LEMD3: variants seen among roughly 807,000 people sequenced by gnomAD.
The protein encoded by LEMD3 is inner nuclear membrane protein Man1.
Under a neutral mutation model 95.2 loss-of-function variants are expected in LEMD3, and 33 were observed. That is an observed-to-expected ratio of 0.35 (90% CI 0.26 to 0.46). The LOEUF (loss-of-function observed/expected upper bound fraction) is 0.46. LEMD3 is among the 20% of genes least tolerant of loss of function. The pLI is 1.00. For synonymous variants in LEMD3, 525 were observed against 474.6 expected (o/e 1.11, Z -1.38); for missense variants, 1,210 against 1,192.8 (o/e 1.01, Z -0.21).
intron 1 of LEMD3, among the ~76,000 whole-genome samples, chr12:65,182,858 A>G (rs1219993001): frequency 3.9e-5 from 6 of 152,220 alleles, no homozygotes; most frequent in Admixed American, 1.3e-4. Flanking sequence ...CAGTTGATAC[A>G]GAAAGGTGGC....
chr12:65,240,581 A>T lies in LEMD3; in HGVS notation c.2127-328A>T, dbSNP rs576237080. The T allele has an allele frequency of 6.9e-4, 281 of 406,722 alleles. 4 individuals are homozygous for T. The South Asian group carries it at 9.3e-3, about 13-fold the overall frequency. The allele number at this position is 406,722 out of a possible 1,614,324, so 25.2% of individuals were successfully genotyped here. On this transcript the variant is annotated intron_variant, in intron 8 of 12. Coordinates refer to ENST00000308330, the MANE Select transcript of LEMD3 (RefSeq NM_014319.5). ...CTAATGTTTTTTAAGTACTAACTTT[A>T]TTATTAATGAAGCTTTTAAAGTAAA... is the stretch of plus-strand genomic sequence containing the variant.
At chr12:65,171,166 T>C (rs758493364) in intron 1 of LEMD3, 48 bp downstream of exon 1, 14 of 1,601,380 alleles carry the variant, frequency 8.7e-6, no homozygotes, top group Non-Finnish European at 1.0e-5. Context: ...ATGTTGTTAG[T>C]GGTCCGCTTT....
At chr12:65,232,412 A>G (rs1870656969) in intron 4 of LEMD3, among the ~76,000 whole-genome samples, 1 of 152,182 alleles carries the variant, frequency 6.6e-6, no homozygotes, top group Non-Finnish European at 1.5e-5. Flanking sequence ...TTTTTTCACA[A>G]CTTCTAGTAC....
At position 65,169,761 on chromosome 12, in the gene LEMD3, G is replaced by C. The variant is rs138821698; in HGVS notation, c.165G>C (p.Arg55=). The change falls in exon 1 of 13, where the codon CGG becomes CGC. Residue 55 remains arginine (R), a synonymous_variant. Transcript: ENST00000308330. ...GAGAGGAAGAGCAGCAACAGCACCG[G>C]TCAGGGGGCCGCGGCAACAAGACGC... ...KLREEEQQQH[R]SGGRGNKTRN... 17 of 1,587,686 alleles carry C rather than the reference G, an allele frequency of 1.1e-5. No homozygotes were observed. In the African/African-American group the frequency reaches 2.2e-4, roughly 20 times the overall value.
intron 4 of LEMD3, among the ~76,000 whole-genome samples, chr12:65,219,474 T>C (rs974503320): frequency 3.9e-5 from 6 of 152,198 alleles, no homozygotes; most frequent in Non-Finnish European, 8.8e-5. Context: ...TTCTTGCAAA[T>C]GGAAACGTTG....
intron 4 of LEMD3, among the ~76,000 whole-genome samples, chr12:65,227,158 A>G (rs190675502): frequency 2.0e-5 from 3 of 152,368 alleles, no homozygotes; most frequent in Non-Finnish European, 2.9e-5. Flanking sequence ...TAAAGGAGAC[A>G]TAGAATAAAA....
At chr12:65,209,837 G>A (rs908789867) in intron 1 of LEMD3, among the ~76,000 whole-genome samples, 1 of 151,792 alleles carries the variant, frequency 6.6e-6, no homozygotes, top group Admixed American at 6.6e-5. Flanking sequence ...GGTTCCTATG[G>A]GACTTCCTGT....
At chr12:65,191,761 T>G (rs115829801) in intron 1 of LEMD3, among the ~76,000 whole-genome samples, 4,015 of 151,982 alleles carry the variant, frequency 0.026, 212 homozygotes, top group African/African-American at 0.092. Flanking sequence ...ACCCTGTCTC[T>G]ACTAAATTAA....
chr12:65,170,002 C>G lies in LEMD3; in HGVS notation c.406C>G (p.Leu136Val). 1 of 1,496,984 alleles carries G rather than the reference C, an allele frequency of 6.7e-7. No individual in the cohort carries two copies. Among genetic ancestry groups the G allele is most frequent in the South Asian group, 1.3e-5 (1 of 78,386 alleles). The allele number at this position is 1,496,984 out of a possible 1,614,324, so 92.7% of individuals were successfully genotyped here. ...SAAPAAGSKVLLGFSSDESDV... is the reference protein window; with the variant it reads ...SAAPAAGSKVVLGFSSDESDV... Reference sequence around the variant, plus strand: ...CGCCCCCGCGGCTGGCAGCAAAGTGCTGCTGGGCTTCAGCTCGGACGAGTC... The same window carrying G: ...CGCCCCCGCGGCTGGCAGCAAAGTGGTGCTGGGCTTCAGCTCGGACGAGTC... The change falls in exon 1 of 13, where the codon CTG (leucine) becomes GTG (valine). Residue 136 changes from leucine (L) to valine (V), a missense_variant. By Grantham distance (32) the Leu-to-Val change is conservative (BLOSUM62 1). Coordinates refer to ENST00000308330, the MANE Select transcript of LEMD3 (RefSeq NM_014319.5).
At chr12:65,210,141 A>ATAG (rs1217397898) in intron 1 of LEMD3, among the ~76,000 whole-genome samples, 24 of 151,962 alleles carry the variant, frequency 1.6e-4, no homozygotes, top group African/African-American at 5.3e-4. Context: ...AAGGAGGGGC[A>ATAG]TAGGGGTTGG....
chr12:65,227,841 C>A (rs1870500459), intron 4 of LEMD3, among the ~76,000 whole-genome samples: 1 of 149,450 alleles, frequency 6.7e-6, no homozygotes, highest in African/African-American at 2.5e-5. Flanking sequence ...TTGGACACTC[C>A]TGGTTTAGGG....
At chr12:65,212,572 A>G (rs1698259349) in intron 2 of LEMD3, among the ~76,000 whole-genome samples, 1 of 151,864 alleles carries the variant, frequency 6.6e-6, no homozygotes, top group Non-Finnish European at 1.5e-5. Context: ...TGAAGAGAAA[A>G]TTGGCTGAGG....
intron 1 of LEMD3, among the ~76,000 whole-genome samples, chr12:65,190,528 T>C (rs1298997228): frequency 6.6e-6 from 1 of 152,164 alleles, no homozygotes; most frequent in Non-Finnish European, 1.5e-5. Flanking sequence ...TTCAACCAAT[T>C]GCCAATCAGA....
intron 1 of LEMD3, among the ~76,000 whole-genome samples, chr12:65,195,492 GC>G (rs1175127922): frequency 2.6e-5 from 4 of 151,562 alleles, no homozygotes; most frequent in Admixed American, 6.6e-5. Flanking sequence ...TTTTTTATTT[GC>G]CAATTTCCAA....
rs1565800634 is a variant in LEMD3 at position 65,241,918 on chromosome 12, C to T, written c.2305+831C>T. Reference sequence around the variant, plus strand: ...TGTCAGGGTAAACAGCTAAAGCAGGCAGGGCTTAATACCTGGGTGATGGGT... The same window carrying T: ...TGTCAGGGTAAACAGCTAAAGCAGGTAGGGCTTAATACCTGGGTGATGGGT... On this transcript the variant is annotated intron_variant, in intron 9 of 12. Coordinates refer to ENST00000308330, the MANE Select transcript of LEMD3 (RefSeq NM_014319.5). Among the ~76,000 whole-genome samples, 4 of 152,212 alleles carry T rather than the reference C, an allele frequency of 2.6e-5. No individual in the cohort carries two copies. In the South Asian group the frequency reaches 8.3e-4, roughly 32 times the overall value.
chr12:65,171,255 T>G, intron 1 of LEMD3, 137 bp downstream of exon 1: 1 of 1,451,732 alleles, frequency 6.9e-7, no homozygotes, highest in Non-Finnish European at 9.3e-7. Flanking sequence ...AGTGCGTGCA[T>G]GTGTCATCTT....
At chr12:65,187,344 C>G (rs552237005) in intron 1 of LEMD3, among the ~76,000 whole-genome samples, 1 of 152,158 alleles carries the variant, frequency 6.6e-6, no homozygotes, top group Admixed American at 6.6e-5. Context: ...GATTCCAGGT[C>G]TGTGCTTGTG....
At chr12:65,231,645 G>A (rs1009312957) in intron 4 of LEMD3, among the ~76,000 whole-genome samples, 2 of 152,070 alleles carry the variant, frequency 1.3e-5, no homozygotes, top group African/African-American at 4.8e-5. Flanking sequence ...CTCCAGCCTG[G>A]ATGACAGAGT....
Position 65,218,537 on chromosome 12 carries a change from T to G in LEMD3, c.1628-15T>G. On this transcript the variant is annotated splice_polypyrimidine_tract_variant and intron_variant, in intron 3 of 12. Coordinates refer to ENST00000308330, the MANE Select transcript of LEMD3 (RefSeq NM_014319.5). ...GAGTACTGATTCAAAATTAATAATATGCTAATCTTTCCAGGAGATCATGAA... is the reference window on the plus strand; with the variant it reads ...GAGTACTGATTCAAAATTAATAATAGGCTAATCTTTCCAGGAGATCATGAA... 1 of 1,566,676 alleles carries G rather than the reference T, an allele frequency of 6.4e-7. No individual in the cohort carries two copies. Among genetic ancestry groups the G allele is most frequent in the East Asian group, 2.3e-5 (1 of 44,316 alleles).
Sources: allele counts gnomAD v4.1 joint callset (sites outside exome capture counted in the v4.1 genomes callset), GRCh38; gene constraint gnomAD v4.1.1; transcripts MANE v1.5; gene names NCBI Gene and HGNC (gene_info 2026-07-23, HGNC 2026-07-21).